The following CREBZF variants were observed in gnomAD, a reference collection of about 807,000 sequenced individuals.
The protein encoded by CREBZF is CREB/ATF bZIP transcription factor, also known as HCF-binding transcription factor Zhangfei.
In CREBZF, 8 loss-of-function variants were observed where a neutral mutation model predicts 21.1. The ratio of observed to expected loss-of-function variants is 0.38; its 90% CI spans 0.22 to 0.68. The LOEUF (loss-of-function observed/expected upper bound fraction) is 0.68, where lower values mean the gene tolerates loss of function less well. Among genes scored for constraint, CREBZF ranks in the 30% least tolerant of loss-of-function variants. The pLI, the probability that CREBZF is intolerant of heterozygous loss-of-function variation, is 0.51. For missense variants in CREBZF, 518 were observed against 484.3 expected (o/e 1.07, Z -0.65); for synonymous variants, 270 against 223.3 (o/e 1.21, Z -1.86).
rs543918789 is a variant in CREBZF at position 85,672,860 on chromosome 11, C to T, written n.148-9259G>A. On this transcript the variant is annotated intron_variant and non_coding_transcript_variant, in intron 1 of 3. Transcript: ENST00000531515. ...AGACCTTATTCATGGTGGGAGAGGA[C>T]GAGACAAAAATCATTAGAGAGCCTA... 4.6e-5 allele frequency among the ~76,000 whole-genome samples: 7 copies of T among 152,136 alleles called. No individual in the cohort carries two copies. In the East Asian group the frequency reaches 5.8e-4, roughly 13 times the overall value.
upstream of CREBZF, among the ~76,000 whole-genome samples, chr11:85,668,496 T>G (rs960053962): frequency 6.6e-6 from 1 of 152,222 alleles, no homozygotes; most frequent in Non-Finnish European, 1.5e-5. Flanking sequence ...AGCTTATTTA[T>G]CAATTTTTAA....
intron 1 of CREBZF, among the ~76,000 whole-genome samples, chr11:85,678,705 C>T (rs149582021): frequency 2.0e-5 from 3 of 152,190 alleles, no homozygotes; most frequent in East Asian, 1.9e-4. Flanking sequence ...ATGGTTATAC[C>T]AATTTGAAAT....
At chr11:85,673,512 C>T (rs1021664778) in intron 1 of CREBZF, among the ~76,000 whole-genome samples, 10 of 152,208 alleles carry the variant, frequency 6.6e-5, no homozygotes, top group Non-Finnish European at 1.5e-4. Context: ...GCTAAAAATG[C>T]TAACCATCAT....
rs990776752 is a variant in CREBZF at position 85,665,050 on chromosome 11, G to C, written c.-175C>G. The C allele has an allele frequency of 4.5e-6, 2 of 446,258 alleles. No individual in the cohort carries two copies. Among genetic ancestry groups the C allele is most frequent in the Non-Finnish European group, 7.9e-6 (2 of 253,134 alleles). 27.6% of individuals were successfully genotyped at this position (446,258 alleles called of 1,614,324 possible). ...TAGTCGACCCCCCGCGCCAAGGCGC[G>C]GGGAGGGACGGGAGAACGAAGCGGT... On this transcript the variant is annotated 5_prime_UTR_variant, in exon 1 of 1. Coordinates refer to ENST00000527447, the MANE Select transcript of CREBZF (RefSeq NM_001039618.4).
upstream of CREBZF, among the ~76,000 whole-genome samples, chr11:85,666,341 G>A (rs1395453402): frequency 1.3e-5 from 2 of 152,144 alleles, no homozygotes; most frequent in Non-Finnish European, 1.5e-5. Flanking sequence ...TTTTTAAAAA[G>A]CAAGGCCAAT....
chr11:85,662,641 A>G lies in CREBZF; in HGVS notation c.*1170T>C, dbSNP rs2153321239. On this transcript the variant is annotated 3_prime_UTR_variant, in exon 1 of 1. Transcript: ENST00000527447. ...AAAATAGTACCAATCGTGTCATTTA[A>G]GTGGCCAGAACCACTCAATTTAAAA... 6.2e-6 allele frequency: 3 copies of G among 485,874 alleles called. No homozygotes were observed. The Admixed American group carries it at 1.0e-4, about 17-fold the overall frequency. 30.1% of individuals were successfully genotyped at this position (485,874 alleles called of 1,614,324 possible).
chr11:85,682,113 T>A (rs1037450172), intron 1 of CREBZF, among the ~76,000 whole-genome samples: 2 of 152,140 alleles, frequency 1.3e-5, no homozygotes, highest in African/African-American at 4.8e-5. Context: ...TTAAACCAGG[T>A]GTGGGGGCCT....
In CREBZF at chr11:85,662,555, A is replaced by G. The variant is rs887375921; in HGVS notation, c.*1256T>C. ...TTCTTAATGCCTCTTACACTGAAGG[A>G]CACCATAATTCAATTTATACAACTG... On this transcript the variant is annotated 3_prime_UTR_variant, in exon 1 of 1. Coordinates refer to ENST00000527447, the MANE Select transcript of CREBZF (RefSeq NM_001039618.4). The G allele has an allele frequency of 4.0e-5, 25 of 623,510 alleles. No homozygotes were observed. In the African/African-American group the frequency reaches 4.6e-4, roughly 11 times the overall value. The allele number at this position is 623,510 out of a possible 1,614,324, so 38.6% of individuals were successfully genotyped here.
chr11:85,662,652 CCACT>C lies in CREBZF; in HGVS notation c.*1155_*1158del, dbSNP rs2082716856. 2.4e-6 allele frequency: 1 copy of C among 422,232 alleles called. No individual in the cohort carries two copies. Among genetic ancestry groups the C allele is most frequent in the African/African-American group, 2.0e-5 (1 of 50,320 alleles). The allele number at this position is 422,232 out of a possible 1,614,324, so 26.2% of individuals were successfully genotyped here. ...AATCGTGTCATTTAAGTGGCCAGAA[CCACT>C]CAATTTAAAAAATTATTTTAAAATA... is the stretch of plus-strand genomic sequence containing the variant. On this transcript the variant is annotated 3_prime_UTR_variant, in exon 1 of 1. Coordinates refer to ENST00000527447, the MANE Select transcript of CREBZF (RefSeq NM_001039618.4).
chr11:85,664,369 A>G lies in CREBZF; in HGVS notation c.507T>C (p.Gly169=). The change falls in exon 1 of 1, where the codon GGT becomes GGC. Residue 169 remains glycine (G), a synonymous_variant. Transcript: ENST00000527447. This position sits in a 1 kb window ranked among gnomAD's most constrained non-coding sequence, Gnocchi z 5.5. ...CACTGCTGCTGCTGCAGCCTCCGAT[A>G]CCGTTTAACAGCCTTTGCAGCAGGT... The part of the protein sequence containing the change: ...FSDLLQRLLN[G]IGGCSSSSDS... 6.2e-7 allele frequency: 1 copy of G among 1,613,500 alleles called. No homozygotes were observed. Among genetic ancestry groups the G allele is most frequent in the East Asian group, 2.2e-5 (1 of 44,828 alleles).
chr11:85,664,986 T>C lies in CREBZF; in HGVS notation c.-111A>G. Reference sequence around the variant, plus strand: ...GCCCCCGGCACTGGCCGAAACGAAATGCAGGGAAAGGTCCGAGTCGCCTCC... The same window carrying C: ...GCCCCCGGCACTGGCCGAAACGAAACGCAGGGAAAGGTCCGAGTCGCCTCC... On this transcript the variant is annotated 5_prime_UTR_variant, in exon 1 of 1. Coordinates refer to ENST00000527447, the MANE Select transcript of CREBZF (RefSeq NM_001039618.4). The surrounding 1 kb of genome is among the most constrained non-coding windows in gnomAD (Gnocchi z 5.5). 2.8e-6 allele frequency: 2 copies of C among 717,134 alleles called. No individual in the cohort carries two copies. Among genetic ancestry groups the C allele is most frequent in the Non-Finnish European group, 4.0e-6 (2 of 493,958 alleles). The allele number at this position is 717,134 out of a possible 1,614,324, so 44.4% of individuals were successfully genotyped here.
At chr11:85,673,446 G>A (rs1002889653) in intron 1 of CREBZF, among the ~76,000 whole-genome samples, 15 of 152,214 alleles carry the variant, frequency 9.9e-5, no homozygotes, top group African/African-American at 3.1e-4. Context: ...TCTACTGAGT[G>A]TGCAACAGCA....
rs560297115 is a variant in CREBZF at position 85,682,787 on chromosome 11, C to G, written n.77G>C. Reference sequence around the variant, plus strand: ...ATGGGACTTCTCCCCGCAGGCTGGGCGCAAAACTTAGGCCCCAAGGATTAC... The same window carrying G: ...ATGGGACTTCTCCCCGCAGGCTGGGGGCAAAACTTAGGCCCCAAGGATTAC... On this transcript the variant is annotated non_coding_transcript_exon_variant, in exon 1 of 4. Transcript: ENST00000531515. The G allele has an allele frequency of 9.0e-5, 63 of 701,416 alleles. No homozygotes were observed. In the African/African-American group the frequency reaches 9.4e-4, roughly 10 times the overall value. The allele number at this position is 701,416 out of a possible 1,614,324, so 43.4% of individuals were successfully genotyped here. A position where few individuals can be genotyped will look rare whatever the true frequency, so the allele number is the denominator to read the frequency against.
rs555873139 is a variant in CREBZF at position 85,673,872 on chromosome 11, A to C, written n.147+8845T>G. Among the ~76,000 whole-genome samples the C allele has an allele frequency of 4.9e-4, 74 of 152,362 alleles. 2 individuals carry two copies. Among genetic ancestry groups the C allele is most frequent in the African/African-American group, 1.6e-3 (68 of 41,586 alleles). On this transcript the variant is annotated intron_variant and non_coding_transcript_variant, in intron 1 of 3. Coordinates refer to the CREBZF transcript ENST00000531515. ...AGCATCTTCACCAGAAATAGATTCC[A>C]TCCCAAGAAACCATCCATTTTTCTT...
intron 1 of CREBZF, chr11:85,682,595 C>T (rs1285307885): frequency 6.5e-6 from 3 of 460,172 alleles, no homozygotes; most frequent in Admixed American, 4.0e-5. Flanking sequence ...CGCCCCTACC[C>T]CCTGCCCTAC....
intron 1 of CREBZF, among the ~76,000 whole-genome samples, chr11:85,679,810 T>TA (rs1007442415): frequency 6.6e-6 from 1 of 152,220 alleles, no homozygotes; most frequent in African/African-American, 2.4e-5. Flanking sequence ...TGGCTTTATC[T>TA]AAAATATGCC....
intron 1 of CREBZF, among the ~76,000 whole-genome samples, chr11:85,677,046 C>G (rs548002533): frequency 6.0e-5 from 9 of 149,428 alleles, no homozygotes; most frequent in Admixed American, 2.7e-4. Flanking sequence ...TCACTGCAAC[C>G]TCCGCCTCCC....
At position 85,677,086 on chromosome 11, in the gene CREBZF, C is replaced by T. The variant is rs151076989; in HGVS notation, n.147+5631G>A. ...TCAAGCAATTCTCCTGCCTCAGCCT[C>T]CTGATTAGCTGGGATTATAGGCGCC... is the stretch of plus-strand genomic sequence containing the variant. On this transcript the variant is annotated intron_variant and non_coding_transcript_variant, in intron 1 of 3. Transcript: ENST00000531515. Among the ~76,000 whole-genome samples the T allele has an allele frequency of 4.9e-3, 735 of 151,160 alleles. 6 individuals are homozygous for T. The highest frequency in any genetic ancestry group is 0.017 in the African/African-American group (694 of 41,142).
intron 1 of CREBZF, chr11:85,682,645 A>G: frequency 2.8e-6 from 1 of 360,264 alleles, no homozygotes; most frequent in Middle Eastern, 7.8e-4. Context: ...CTTCCCCCAT[A>G]TAACGTGGAG....
Sources: allele counts gnomAD v4.1 joint callset (sites outside exome capture counted in the v4.1 genomes callset), GRCh38; gene constraint gnomAD v4.1.1; non-coding constraint Gnocchi (gnomAD v3.1); transcripts MANE v1.5; gene names NCBI Gene and HGNC (gene_info 2026-07-23, HGNC 2026-07-21).